COL4A5: variants seen among roughly 807,000 people sequenced by gnomAD.
The protein encoded by COL4A5 is collagen type IV alpha 5 chain, also known as collagen alpha-5(IV) chain.
In COL4A5, 26 loss-of-function variants were observed where a neutral mutation model predicts 130.2. The observed-to-expected ratio is 0.20, with a 90% confidence interval of 0.15 to 0.28. COL4A5 has a LOEUF of 0.28. Among genes scored for constraint, COL4A5 ranks in the 10% least tolerant of loss-of-function variants. COL4A5 has a pLI of 1.00. For missense variants in COL4A5, 1,131 were observed against 1,344.3 expected, an observed-to-expected ratio of 0.84 and a Z score of 2.48; for synonymous variants, 496 against 439.6, an observed-to-expected ratio of 1.13 and a Z score of -1.60.
At chrX:108,451,802 T>G (rs753327878) in intron 1 of COL4A5, among the ~76,000 whole-genome samples, 2 of 110,897 alleles carry the variant, frequency 1.8e-5, no homozygotes, top group African/African-American at 6.6e-5. Context: ...GGTTGCCTGT[T>G]CACTCTGATG....
At chrX:108,449,715 GGT>G (rs1172185899) in intron 1 of COL4A5, among the ~76,000 whole-genome samples, 2 of 110,109 alleles carry the variant, frequency 1.8e-5, no homozygotes, top group Middle Eastern at 4.6e-3. Flanking sequence ...CAGATGTTAT[GGT>G]CTCTCTGTGA....
At chrX:108,580,617 A>G in intron 14 of COL4A5, 31 bp downstream of exon 14, 1 of 1,198,012 alleles carries the variant, frequency 8.3e-7, no homozygotes, top group Non-Finnish European at 1.1e-6. Context: ...AGCATCATTT[A>G]ATGTAAATTG....
intron 31 of COL4A5, among the ~76,000 whole-genome samples, 191 bp from the exon 32 acceptor site, chrX:108,621,612 A>G (rs2067052454): frequency 9.0e-6 from 1 of 111,369 alleles, no homozygotes; most frequent in Non-Finnish European, 1.9e-5. Context: ...CCATCTTTAG[A>G]GATTAGCTAC....
intron 2 of COL4A5, among the ~76,000 whole-genome samples, chrX:108,543,447 G>A (rs1483533164): frequency 9.0e-6 from 1 of 111,461 alleles, no homozygotes; most frequent in East Asian, 2.8e-4. Flanking sequence ...TGAGGGCTCT[G>A]CTGTGTTCCA....
intron 1 of COL4A5, among the ~76,000 whole-genome samples, chrX:108,455,851 C>A (rs2147479903): frequency 8.9e-6 from 1 of 111,905 alleles, no homozygotes; most frequent in South Asian, 3.7e-4. Context: ...TTTGTGCATC[C>A]TTATGCCAGT....
At position 108,519,343 on chromosome X, in the gene COL4A5, C is replaced by T. The variant is rs187918043; in HGVS notation, c.82-20403C>T. Among the ~76,000 whole-genome samples the T allele has an allele frequency of 7.2e-5, 8 of 111,126 alleles. No individual in the cohort carries two copies. In the East Asian group the frequency reaches 2.3e-3, roughly 31 times the overall value. On this transcript the variant is annotated intron_variant, in intron 1 of 52. Coordinates refer to ENST00000328300, the MANE Select transcript of COL4A5 (RefSeq NM_033380.3). ...GAGTGGCCATTGCATGGTAATATGGCATAGTATTATATTGTTTACATACAA... is the reference window on the plus strand; with the variant it reads ...GAGTGGCCATTGCATGGTAATATGGTATAGTATTATATTGTTTACATACAA...
chrX:108,681,190 T>A (rs1380980999), intron 46 of COL4A5, among the ~76,000 whole-genome samples: 3 of 111,368 alleles, frequency 2.7e-5, no homozygotes, highest in Non-Finnish European at 5.6e-5. Flanking sequence ...CAAAAATGCT[T>A]CCTTGACATT....
intron 6 of COL4A5, 108 bp downstream of exon 6, chrX:108,568,929 G>A: frequency 1.5e-6 from 1 of 659,440 alleles, no homozygotes; most frequent in South Asian, 2.5e-5. Context: ...GTGTCTTCAG[G>A]TCTTGGCTAT....
At chrX:108,511,167 A>G (rs1447032385) in intron 1 of COL4A5, among the ~76,000 whole-genome samples, 1 of 111,866 alleles carries the variant, frequency 8.9e-6, no homozygotes, top group Non-Finnish European at 1.9e-5. Flanking sequence ...TTTTAATATG[A>G]GAAATTTTAA....
chrX:108,595,049 G>C (rs2066491043), intron 21 of COL4A5, among the ~76,000 whole-genome samples: 2 of 109,958 alleles, frequency 1.8e-5, no homozygotes, highest in Admixed American at 9.7e-5. Flanking sequence ...TTTCTGTAGA[G>C]ATGGGGTTTC....
At chrX:108,696,188 C>A in intron 52 of COL4A5, 109 bp from the exon 53 acceptor site, 1 of 631,365 alleles carries the variant, frequency 1.6e-6, no homozygotes, top group Non-Finnish European at 2.7e-6. Flanking sequence ...ATTAAGTCAC[C>A]AAGAGAGCTA....
chrX:108,654,179 A>C (rs911162300), intron 36 of COL4A5, among the ~76,000 whole-genome samples: 5 of 112,599 alleles, frequency 4.4e-5, no homozygotes, highest in African/African-American at 6.5e-5. Context: ...ATATGTTGCC[A>C]TTGTTATTGG....
At chrX:108,648,746 T>C (rs935134001) in intron 36 of COL4A5, among the ~76,000 whole-genome samples, 14 of 111,640 alleles carry the variant, frequency 1.3e-4, no homozygotes, top group Non-Finnish European at 2.4e-4. Context: ...TACCTCAATG[T>C]AATAAAAGCT....
chrX:108,525,815 C>T (rs1369145348), intron 1 of COL4A5, among the ~76,000 whole-genome samples: 6 of 111,355 alleles, frequency 5.4e-5, no homozygotes, highest in Middle Eastern at 4.6e-3. Flanking sequence ...TGTTCCCCTT[C>T]TTTTGGAGTA....
intron 36 of COL4A5, among the ~76,000 whole-genome samples, chrX:108,648,000 T>G (rs1391930318): frequency 1.8e-5 from 2 of 111,494 alleles, no homozygotes; most frequent in Non-Finnish European, 3.8e-5. Context: ...TTATTGAGGA[T>G]TTTTGCATCA....
chrX:108,560,100 A>G lies in COL4A5; in HGVS notation c.231+947A>G, dbSNP rs2065879672. On this transcript the variant is annotated intron_variant, in intron 3 of 52. Transcript: ENST00000328300. ...TTAAAGGGCTCTGTCAAAAAACAGG[A>G]TAATATCTGAGGCCACAGTAGATTA... 2.7e-5 allele frequency among the ~76,000 whole-genome samples: 3 copies of G among 112,035 alleles called. No homozygotes were observed. In the South Asian group the frequency reaches 1.1e-3, roughly 43 times the overall value.
chrX:108,511,823 A>G (rs950242139), intron 1 of COL4A5, among the ~76,000 whole-genome samples: 3 of 112,197 alleles, frequency 2.7e-5, no homozygotes, highest in African/African-American at 6.5e-5. Flanking sequence ...GATTTTTTAT[A>G]TGCAATGTAC....
intron 2 of COL4A5, among the ~76,000 whole-genome samples, chrX:108,545,989 A>G (rs2065644457): frequency 9.0e-6 from 1 of 110,966 alleles, no homozygotes; most frequent in Non-Finnish European, 1.9e-5. Flanking sequence ...CATTATTTTG[A>G]GCCTATGTGT....
At chrX:108,673,330 T>C (rs1468936003) in intron 42 of COL4A5, among the ~76,000 whole-genome samples, 2 of 111,918 alleles carry the variant, frequency 1.8e-5, no homozygotes, top group Admixed American at 1.9e-4. Context: ...ATCCTAGGTC[T>C]TCCAACTCCT....
Sources: allele counts gnomAD v4.1 joint callset (sites outside exome capture counted in the v4.1 genomes callset), GRCh38; gene constraint gnomAD v4.1.1; transcripts MANE v1.5; gene names NCBI Gene and HGNC (gene_info 2026-07-23, HGNC 2026-07-21).